RGPD2: variants seen among roughly 807,000 people sequenced by gnomAD.
RGPD2 encodes the protein RANBP2 like and GRIP domain containing 2, also known as RANBP2-like and GRIP domain-containing protein 2.
RGPD2 carries 2 observed loss-of-function variants against 36.0 expected under a neutral mutation model. The ratio of observed to expected loss-of-function variants is 0.06; its 90% CI spans 0.02 to 0.17. The LOEUF (loss-of-function observed/expected upper bound fraction) is 0.17, where lower values mean the gene tolerates loss of function less well. RGPD2 is among the 10% of genes least tolerant of loss of function. The pLI is 1.00. For missense variants in RGPD2, 40 were observed against 464.3 expected (o/e 0.09, Z 8.40); for synonymous variants, 19 against 163.8 (o/e 0.12, Z 6.75).
At chr2:87,917,081 G>C in the RGPD2 span, among the ~76,000 whole-genome samples, 1 of 151,984 alleles carries the variant, frequency 6.6e-6, no homozygotes, top group Non-Finnish European at 1.5e-5. Flanking sequence ...AAAGGTTACA[G>C]GTGGAGGACA....
chr2:87,878,702 T>C, the RGPD2 span, among the ~76,000 whole-genome samples: 1 of 152,258 alleles, frequency 6.6e-6, no homozygotes, highest in Admixed American at 6.5e-5. Context: ...AATATAACTA[T>C]ACCCATCGAC....
At chr2:87,988,543 T>A in the RGPD2 span, among the ~76,000 whole-genome samples, 5,314 of 27,880 alleles carry the variant, frequency 0.19, 511 homozygotes, top group Admixed American at 0.26. Context: ...ATATATATAT[T>A]TTTTTTTTTT....
chr2:87,854,840 G>C, the RGPD2 span, among the ~76,000 whole-genome samples: 1 of 152,132 alleles, frequency 6.6e-6, no homozygotes, highest in Non-Finnish European at 1.5e-5. Context: ...AAAAATTCCT[G>C]TGCAGTTATT....
At chr2:87,985,812 C>A in the RGPD2 span, 1 of 1,611,258 alleles carries the variant, frequency 6.2e-7, no homozygotes, top group Non-Finnish European at 8.5e-7. Context: ...TGAGTGATAA[C>A]TGGGTCCTAC....
At chr2:87,961,804 T>C in the RGPD2 span, among the ~76,000 whole-genome samples, 1 of 151,392 alleles carries the variant, frequency 6.6e-6, no homozygotes, top group African/African-American at 2.4e-5. Context: ...TCCAATACTG[T>C]ATTTTCTGTC....
chr2:87,978,180 C>T, the RGPD2 span, among the ~76,000 whole-genome samples: 1 of 151,630 alleles, frequency 6.6e-6, no homozygotes, highest in South Asian at 2.1e-4. Flanking sequence ...AAATTCTGCT[C>T]ATCAAAGACA....
chr2:87,915,408 ATT>A, the RGPD2 span, among the ~76,000 whole-genome samples: 5 of 141,254 alleles, frequency 3.5e-5, no homozygotes, highest in Non-Finnish European at 7.6e-5. Flanking sequence ...TATTATATAT[ATT>A]GTATATATGT....
At chr2:87,961,472 G>A in the RGPD2 span, among the ~76,000 whole-genome samples, 204 of 151,482 alleles carry the variant, frequency 1.3e-3, no homozygotes, top group African/African-American at 4.6e-3. Context: ...AGGCCGAGGC[G>A]GGCGGATCAC....
the RGPD2 span, among the ~76,000 whole-genome samples, chr2:87,832,105 T>A: frequency 6.8e-6 from 1 of 147,518 alleles, no homozygotes. Context: ...AAATGGTTGA[T>A]TATAATAACT....
upstream of RGPD2, among the ~76,000 whole-genome samples, chr2:87,827,443 ATAAACCTTCATTTT>A (rs1306390489): frequency 1.6e-3 from 233 of 145,216 alleles, no homozygotes; most frequent in East Asian, 0.023. Context: ...CTGAACCTTT[ATAAACCTTCATTTT>A]TTTACTATAA....
At chr2:87,911,113 A>G in the RGPD2 span, among the ~76,000 whole-genome samples, 2,023 of 118,398 alleles carry the variant, frequency 0.017, no homozygotes, top group African/African-American at 0.062. Flanking sequence ...TTTCAGCAAG[A>G]TATTAGATAC....
the RGPD2 span, among the ~76,000 whole-genome samples, chr2:87,938,237 G>T: frequency 7.9e-5 from 12 of 151,854 alleles, no homozygotes; most frequent in Non-Finnish European, 1.5e-4. Flanking sequence ...TTAGTAAAAG[G>T]TTATAGAAAT....
the RGPD2 span, among the ~76,000 whole-genome samples, chr2:87,886,822 T>C: frequency 6.6e-6 from 1 of 151,916 alleles, no homozygotes; most frequent in Admixed American, 6.6e-5. Context: ...TCATTTAATG[T>C]GCTCAATCAC....
At chr2:87,824,505 T>C (rs1686525138) in intron 1 of RGPD2, among the ~76,000 whole-genome samples, 2 of 152,040 alleles carry the variant, frequency 1.3e-5, no homozygotes, top group Admixed American at 1.3e-4. Context: ...AGCCACTGCC[T>C]CTTCTCCCTC....
chr2:87,768,983 T>TTTA (rs1685026474), intron 22 of RGPD2, among the ~76,000 whole-genome samples: 1 of 8,266 alleles, frequency 1.2e-4, no homozygotes, highest in African/African-American at 4.0e-4. Context: ...TTTTTTTTTT[T>TTTA]GAGATAAGAG....
the RGPD2 span, among the ~76,000 whole-genome samples, chr2:87,870,690 C>G: frequency 3.9e-5 from 6 of 152,142 alleles, no homozygotes; most frequent in Non-Finnish European, 8.8e-5. Flanking sequence ...GACTGTACCA[C>G]ACCACATTTT....
At position 87,825,416 on chromosome 2, in the gene RGPD2, G is replaced by GGCCGCCGCC. The variant is rs1306325278; in HGVS notation, c.72+233_72+241dup. Among the ~76,000 whole-genome samples, 7 of 96,174 alleles carry GGCCGCCGCC rather than the reference G, an allele frequency of 7.3e-5. No homozygotes were observed. The East Asian group carries it at 8.9e-4, about 12-fold the overall frequency. The allele number at this position is 96,174 out of a possible 152,430, so 63.1% of individuals were successfully genotyped here. ...CGCCGCCCGGCCAGGCCGAGGCCGA[G>GGCCGCCGCC]GCCGCCGCCGCCGCCGCCGCCGCCG... On this transcript the variant is annotated intron_variant, in intron 1 of 22. Transcript: ENST00000398146.
the RGPD2 span, among the ~76,000 whole-genome samples, chr2:87,943,864 G>A: frequency 2.0e-5 from 3 of 152,018 alleles, no homozygotes; most frequent in Non-Finnish European, 4.4e-5. Context: ...CGTTGGTTGA[G>A]TAAGTTGTTC....
chr2:87,952,555 T>C, the RGPD2 span, among the ~76,000 whole-genome samples: 1 of 152,218 alleles, frequency 6.6e-6, no homozygotes, highest in Admixed American at 6.5e-5. Context: ...CAGCCAATGT[T>C]TTCAATTAAT....
Sources: gnomAD v4.1 joint callset for allele counts (sites outside exome capture counted in the v4.1 genomes callset) on GRCh38, gnomAD v4.1.1 for gene constraint, MANE v1.5 for transcripts, NCBI Gene and HGNC (gene_info 2026-07-23, HGNC 2026-07-21) for gene names.